Variants in RYR3 observed in about 807,000 individuals in gnomAD.
RYR3 encodes brain ryanodine receptor-calcium release channel.
RYR3 carries 207 observed loss-of-function variants against 584.3 expected under a neutral mutation model. That is an observed-to-expected ratio of 0.35 (90% CI 0.32 to 0.40). RYR3 has a LOEUF of 0.40. Among genes scored for constraint, RYR3 ranks in the 10% least tolerant of loss-of-function variants. RYR3 has a pLI of 1.00. For missense variants in RYR3, 5,616 were observed against 6,089.2 expected (o/e 0.92, Z 2.59); for synonymous variants, 2,416 against 2,248.5 (o/e 1.07, Z -2.11).
chr15:33,521,683 G>A (rs1177387157), intron 3 of RYR3, among the ~76,000 whole-genome samples: 1 of 152,102 alleles, frequency 6.6e-6, no homozygotes, highest in Non-Finnish European at 1.5e-5. Context: ...AGTACTGTGG[G>A]TGTCGAAGGT....
At chr15:33,705,936 G>A (rs956434565) in intron 42 of RYR3, among the ~76,000 whole-genome samples, 2 of 152,196 alleles carry the variant, frequency 1.3e-5, no homozygotes, top group Non-Finnish European at 2.9e-5. Flanking sequence ...ACGCTAGCTA[G>A]GCTTATTTTT....
chr15:33,734,441 AC>A, intron 48 of RYR3, among the ~76,000 whole-genome samples: 1 of 152,188 alleles, frequency 6.6e-6, no homozygotes, highest in East Asian at 1.9e-4. Context: ...TAATGAGTTT[AC>A]ACAAAAAGAA....
At chr15:33,825,878 TCCCACCA>T in intron 82 of RYR3, 1 of 527,090 alleles carries the variant, frequency 1.9e-6, no homozygotes, top group East Asian at 3.3e-5. Context: ...GATTACAGGC[TCCCACCA>T]CCACAGCCAG....
At chr15:33,795,534 A>G (rs2075560739) in intron 67 of RYR3, among the ~76,000 whole-genome samples, 1 of 151,852 alleles carries the variant, frequency 6.6e-6, no homozygotes, top group Non-Finnish European at 1.5e-5. Context: ...AGCTGGGATT[A>G]CACACATGCG....
chr15:33,825,692 A>G lies in RYR3; in HGVS notation c.11146+16A>G, dbSNP rs765551400. 1 of 1,349,332 alleles carries G rather than the reference A, an allele frequency of 7.4e-7. No individual in the cohort carries two copies. Among genetic ancestry groups the G allele is most frequent in the East Asian group, 2.3e-5 (1 of 43,330 alleles). 83.6% of individuals were successfully genotyped at this position (1,349,332 alleles called of 1,614,324 possible). On this transcript the variant is annotated intron_variant, in intron 82 of 103. Coordinates refer to ENST00000634891, the MANE Select transcript of RYR3 (RefSeq NM_001036.6). ...GAAGGAACACGTAAGTAACTAATGA[A>G]TGTGAAGGCCATTCTCTTCCTGATT...
At chr15:33,409,132 A>T (rs2043214181) in intron 1 of RYR3, among the ~76,000 whole-genome samples, 1 of 151,816 alleles carries the variant, frequency 6.6e-6, no homozygotes, top group African/African-American at 2.4e-5. Context: ...ATAAACTTTC[A>T]CTATCTAGTT....
Position 33,543,684 on chromosome 15 carries a change from C to A in RYR3, c.709C>A (p.Pro237Thr). 6.2e-7 allele frequency: 1 copy of A among 1,612,424 alleles called. No homozygotes were observed. Among genetic ancestry groups the A allele is most frequent in the Non-Finnish European group, 8.5e-7 (1 of 1,178,562 alleles). ...FHGHDECLTI[P>T]STDQNDSQHR... ...TGGTCATGATGAATGTTTGACGATA[C>A]CATCTACAGACCAGAATGATTCCCA... Residue 237 changes from proline to threonine, a missense_variant, in exon 8 of 104, where the codon CCA (proline) becomes ACA (threonine). Physicochemically the swap from Pro to Thr is conservative, Grantham distance 38 (BLOSUM62 -1). Transcript: ENST00000634891.
chr15:33,511,927 C>T (rs1044983014), intron 3 of RYR3, among the ~76,000 whole-genome samples: 3 of 152,234 alleles, frequency 2.0e-5, no homozygotes, highest in Admixed American at 6.5e-5. Flanking sequence ...TACAGGCGCC[C>T]GCCACCACGC....
At chr15:33,395,333 T>C (rs1595958667) in intron 1 of RYR3, among the ~76,000 whole-genome samples, 1 of 152,240 alleles carries the variant, frequency 6.6e-6, no homozygotes. Context: ...CTTTATGTTT[T>C]ATTCTTTCTA....
At chr15:33,688,107 A>G (rs1191487267) in intron 38 of RYR3, among the ~76,000 whole-genome samples, 4 of 152,200 alleles carry the variant, frequency 2.6e-5, no homozygotes, top group African/African-American at 4.8e-5. Flanking sequence ...AAAAGAAACT[A>G]CCATCAGAGT....
chr15:33,810,529 G>C lies in RYR3; in HGVS notation c.10077G>C (p.Leu3359Phe). 1 of 1,613,996 alleles carries C rather than the reference G, an allele frequency of 6.2e-7. No individual in the cohort carries two copies. Among genetic ancestry groups the C allele is most frequent in the Non-Finnish European group, 8.5e-7 (1 of 1,179,890 alleles). ...AGAAGACAAAGCGGCGGGGAGACTT[G>C]TATTCCATCCAGACCTCCCTCATCG... ...ERKKTKRRGDLYSIQTSLIVA... is the reference protein window; with the variant it reads ...ERKKTKRRGDFYSIQTSLIVA... The change falls in exon 71 of 104, where the codon TTG (leucine) becomes TTC (phenylalanine). Residue 3359 changes from leucine (L) to phenylalanine (F), a missense_variant. Around this residue, in one of 9 missense-constraint regions of RYR3, gnomAD observed 954 missense variants for 1,132.2 expected, o/e 0.84. Coordinates refer to ENST00000634891, the MANE Select transcript of RYR3 (RefSeq NM_001036.6).
intron 91 of RYR3, 38 bp from the exon 92 acceptor site, chr15:33,843,450 C>CT (rs2078512546): frequency 6.9e-7 from 1 of 1,443,628 alleles, no homozygotes; most frequent in Non-Finnish European, 9.6e-7. Context: ...CTTTTCCTTC[C>CT]AAAGCTCTTC....
At chr15:33,647,798 T>C (rs956855807) in intron 30 of RYR3, among the ~76,000 whole-genome samples, 3 of 152,172 alleles carry the variant, frequency 2.0e-5, no homozygotes, top group Non-Finnish European at 2.9e-5. Context: ...TTTGCCTTTT[T>C]TGTGTAAACT....
At chr15:33,669,244 A>G in intron 36 of RYR3, 110 bp from the exon 37 acceptor site, 1 of 698,294 alleles carries the variant, frequency 1.4e-6, no homozygotes, top group Non-Finnish European at 2.2e-6. Flanking sequence ...AAAAAAAATC[A>G]CTAAGTAAAA....
intron 2 of RYR3, among the ~76,000 whole-genome samples, chr15:33,485,584 G>A (rs2142403734): frequency 6.6e-6 from 1 of 152,346 alleles, no homozygotes; most frequent in East Asian, 1.9e-4. Context: ...AAACGTCAAG[G>A]ATGAGGGTGG....
Position 33,601,565 on chromosome 15 carries a change from C to G in RYR3, c.1922+13C>G, listed in dbSNP as rs776706214. On this transcript the variant is annotated intron_variant, in intron 17 of 103. Coordinates refer to ENST00000634891, the MANE Select transcript of RYR3 (RefSeq NM_001036.6). ...ACGATGTAACCAGGTAAGGCCACCACCACCATTCCAAATGCCAAGCATAGT... is the reference window on the plus strand; with the variant it reads ...ACGATGTAACCAGGTAAGGCCACCAGCACCATTCCAAATGCCAAGCATAGT... 1 of 1,613,450 alleles carries G rather than the reference C, an allele frequency of 6.2e-7. No individual in the cohort carries two copies. Among genetic ancestry groups the G allele is most frequent in the African/African-American group, 1.3e-5 (1 of 74,912 alleles).
chr15:33,356,103 G>A lies in RYR3; in HGVS notation c.51+45007G>A, dbSNP rs78095879. Among the ~76,000 whole-genome samples the A allele has an allele frequency of 3.4e-3, 519 of 152,188 alleles. 3 individuals carry two copies. The highest frequency in any genetic ancestry group is 0.011 in the African/African-American group (469 of 41,492). ...GTATAGATTTGTGAATCATGCATAC[G>A]ATGAGGTTCCATGAATCTAAGTGAA... On this transcript the variant is annotated intron_variant, in intron 1 of 103. Transcript: ENST00000634891.
At chr15:33,387,932 GA>G (rs1223802955) in intron 1 of RYR3, among the ~76,000 whole-genome samples, 13 of 151,482 alleles carry the variant, frequency 8.6e-5, no homozygotes, top group South Asian at 8.3e-4. Flanking sequence ...AGAAAGAACA[GA>G]GGAAAGAAAG....
intron 67 of RYR3, 39 bp from the exon 68 acceptor site, chr15:33,800,731 C>G (rs377603271): frequency 7.0e-7 from 1 of 1,422,176 alleles, no homozygotes; most frequent in African/African-American, 1.4e-5. Context: ...TTAATCTCTA[C>G]TGAATTTCAA....
Sources: gnomAD v4.1 joint callset for allele counts (sites outside exome capture counted in the v4.1 genomes callset) on GRCh38, gnomAD v4.1.1 for gene constraint, gnomAD v4.1.1 regional missense constraint, MANE v1.5 for transcripts, NCBI Gene and HGNC (gene_info 2026-07-23, HGNC 2026-07-21) for gene names.